Variants in FBXO24 observed in about 807,000 individuals in gnomAD.
The protein encoded by FBXO24 is F-box protein 24, also known as F-box only protein 24.
A neutral mutation model predicts 63.5 loss-of-function variants in FBXO24; 30 were observed. The observed-to-expected ratio is 0.47, with a 90% confidence interval of 0.35 to 0.64. FBXO24 has a LOEUF of 0.64. FBXO24 is among the 30% of genes least tolerant of loss of function. FBXO24 has a pLI of 0.00. For synonymous variants in FBXO24, 300 were observed against 305.0 expected (o/e 0.98, Z 0.17); for missense variants, 624 against 763.4 (o/e 0.82, Z 2.15).
At chr7:100,590,971 T>A (rs2131263073) in intron 3 of FBXO24, among the ~76,000 whole-genome samples, 1 of 152,042 alleles carries the variant, frequency 6.6e-6, no homozygotes, top group East Asian at 1.9e-4. Context: ...TGACCGGCCT[T>A]CATCAATCAT....
At chr7:100,596,027 C>T (rs1008442889) in intron 8 of FBXO24, among the ~76,000 whole-genome samples, 11 of 151,962 alleles carry the variant, frequency 7.2e-5, no homozygotes, top group African/African-American at 2.4e-4. Context: ...CCTGTAATCC[C>T]GACACTTTGG....
At chr7:100,595,375 G>A (rs536025373) in intron 7 of FBXO24, 152 bp downstream of exon 7, 31 of 1,439,234 alleles carry the variant, frequency 2.2e-5, no homozygotes, top group Middle Eastern at 3.8e-4. Flanking sequence ...GGCTCGGTGC[G>A]GAGGGAGGCT....
chr7:100,595,794 G>C (rs942763890), intron 8 of FBXO24, 88 bp downstream of exon 8: 1 of 1,476,546 alleles, frequency 6.8e-7, no homozygotes, highest in Non-Finnish European at 9.1e-7. Context: ...AGATTCCACA[G>C]AATCCAATTT....
chr7:100,589,933 G>A (rs749111075), intron 1 of FBXO24, 44 bp from the exon 2 acceptor site: 18 of 1,586,432 alleles, frequency 1.1e-5, no homozygotes, highest in Non-Finnish European at 4.3e-6. Context: ...GGGAAAAAAG[G>A]ATGTGGGACC....
chr7:100,600,233 G>C lies in FBXO24; in HGVS notation c.1377+32G>C. The stretch of plus-strand genomic sequence containing the variant: ...GCGGGGTCAGGAGAGTGGGCACCCA[G>C]GGAGGATGAGAGCCATGAACCAGGA... On this transcript the variant is annotated intron_variant, in intron 9 of 9. Transcript: ENST00000241071. This position sits in a 1 kb window ranked among gnomAD's most constrained non-coding sequence, Gnocchi z 6.3. 1 of 1,489,994 alleles carries C rather than the reference G, an allele frequency of 6.7e-7. No individual in the cohort carries two copies. The highest frequency in any genetic ancestry group is 9.0e-7 in the Non-Finnish European group (1 of 1,114,698). 92.3% of individuals were successfully genotyped at this position (1,489,994 alleles called of 1,614,324 possible). A position where few individuals can be genotyped will look rare whatever the true frequency, so the allele number is the denominator to read the frequency against.
At chr7:100,596,898 C>A (rs1334781143) in intron 8 of FBXO24, among the ~76,000 whole-genome samples, 19 of 152,006 alleles carry the variant, frequency 1.2e-4, no homozygotes, top group African/African-American at 4.6e-4. Context: ...AAAAATTAGC[C>A]AGGTGTGGTG....
intron 4 of FBXO24, chr7:100,592,371 G>C (rs1036220779): frequency 4.0e-6 from 1 of 248,726 alleles, no homozygotes; most frequent in African/African-American, 2.3e-5. Context: ...CATGGCAGAA[G>C]GGAAAGAGGC....
At chr7:100,588,709 G>T (rs563271265) in intron 1 of FBXO24, among the ~76,000 whole-genome samples, 1 of 152,284 alleles carries the variant, frequency 6.6e-6, no homozygotes, top group African/African-American at 2.4e-5. Context: ...TAATATCAGA[G>T]ACCCTGGGAG....
At chr7:100,591,979 G>A in intron 4 of FBXO24, 77 bp downstream of exon 4, 1 of 1,452,900 alleles carries the variant, frequency 6.9e-7, no homozygotes, top group Non-Finnish European at 9.6e-7. Flanking sequence ...ACGTACCAGA[G>A]GCCGGGTGCA....
In FBXO24 at chr7:100,592,836, G is replaced by GGCCACTCGGGA. The variant is rs1375535968; in HGVS notation, c.616_626dup (p.Gln210LeufsTer33). On this transcript the variant is annotated frameshift_variant, in exon 5 of 10. Transcript: ENST00000241071. LOFTEE classifies it high-confidence loss of function. Reference sequence around the variant, plus strand: ...TTTACCGTAAATACCTCTACGTCTTGGCCACTCGGGAGCCGCAGGAAGTGG... The same window carrying GGCCACTCGGGA: ...TTTACCGTAAATACCTCTACGTCTTGGCCACTCGGGAGCCACTCGGGAGCCGCAGGAAGTGG... 1 of 1,614,106 alleles carries GGCCACTCGGGA rather than the reference G, an allele frequency of 6.2e-7. No homozygotes were observed. The highest frequency in any genetic ancestry group is 1.7e-5 in the Admixed American group (1 of 60,018).
At position 100,592,776 on chromosome 7, in the gene FBXO24, C is replaced by G. The variant is rs1402183808; in HGVS notation, c.559-7C>G. The G allele has an allele frequency of 4.3e-6, 7 of 1,611,488 alleles. No homozygotes were observed. The highest frequency in any genetic ancestry group is 5.9e-6 in the Non-Finnish European group (7 of 1,178,170). ...TAGATCCCAGACGCCCTCATCTTTTCCCCCAGTTTGCCTCGGACCCAAGGT... is the reference window on the plus strand; with the variant it reads ...TAGATCCCAGACGCCCTCATCTTTTGCCCCAGTTTGCCTCGGACCCAAGGT... On this transcript the variant is annotated splice_region_variant and splice_polypyrimidine_tract_variant and intron_variant, in intron 4 of 9. Transcript: ENST00000241071.
Position 100,586,636 on chromosome 7 carries a change from A to G in FBXO24, c.11A>G (p.Lys4Arg), listed in dbSNP as rs1477931904. 6.2e-7 allele frequency: 1 copy of G among 1,614,218 alleles called. No individual in the cohort carries two copies. Among genetic ancestry groups the G allele is most frequent in the African/African-American group, 1.3e-5 (1 of 75,076 alleles). Reference sequence around the variant, plus strand: ...CTACCTACCAATAGCATGGGCGAGAAGGCGGTCCCTTTGCTAAGGAGGAGG... The same window carrying G: ...CTACCTACCAATAGCATGGGCGAGAGGGCGGTCCCTTTGCTAAGGAGGAGG... The part of the protein sequence containing the change: MGE[K>R]AVPLLRRRRV... Residue 4 changes from lysine (K) to arginine (R), a missense_variant, in exon 1 of 10, where the codon AAG becomes AGG. By Grantham distance (26) the Lys-to-Arg change is conservative (BLOSUM62 2). Transcript: ENST00000241071.
At chr7:100,591,031 A>ATTTTTTTTTTTTTTTTTTTTTTT (rs930978218) in intron 3 of FBXO24, among the ~76,000 whole-genome samples, 1 of 86,672 alleles carries the variant, frequency 1.2e-5, no homozygotes, top group African/African-American at 4.7e-5. Flanking sequence ...TTTTTCTTTG[A>ATTTTTTTTTTTTTTTTTTTTTTT]TTTTTTTTTT....
In FBXO24 at chr7:100,601,057, GC is replaced by G; in HGVS notation, c.*163del. The G allele has an allele frequency of 1.0e-6, 1 of 966,742 alleles. No individual in the cohort carries two copies. The highest frequency in any genetic ancestry group is 1.4e-6 in the Non-Finnish European group (1 of 690,148). The allele number at this position is 966,742 out of a possible 1,614,324, so 59.9% of individuals were successfully genotyped here. A position where few individuals can be genotyped will look rare whatever the true frequency, so the allele number is the denominator to read the frequency against. On this transcript the variant is annotated 3_prime_UTR_variant, in exon 10 of 10. Transcript: ENST00000241071. ...ATGTTCAGGGGGCTGCCCAGGAGGG[GC>G]CCCCAACCTGACTATCATGGACAAG...
At chr7:100,589,125 C>G (rs1431345845) in intron 1 of FBXO24, among the ~76,000 whole-genome samples, 1 of 152,156 alleles carries the variant, frequency 6.6e-6, no homozygotes, top group Non-Finnish European at 1.5e-5. Context: ...GCCACCGGCA[C>G]CAGGCTGCAG....
At chr7:100,597,861 C>T (rs1802384998) in intron 8 of FBXO24, among the ~76,000 whole-genome samples, 1 of 151,618 alleles carries the variant, frequency 6.6e-6, no homozygotes, top group Admixed American at 6.6e-5. Flanking sequence ...GCCACTACGC[C>T]CAGATAAGTT....
chr7:100,593,797 CAAAAAAAAAAA>C (rs900435798), intron 5 of FBXO24, among the ~76,000 whole-genome samples: 7 of 56,586 alleles, frequency 1.2e-4, no homozygotes, highest in African/African-American at 4.3e-4. Context: ...ACTCCATCTC[CAAAAAAAAAAA>C]AAAAAAAAAA....
chr7:100,597,385 T>TTATTTA (rs1802362286), intron 8 of FBXO24, among the ~76,000 whole-genome samples: 2 of 152,078 alleles, frequency 1.3e-5, no homozygotes, highest in Non-Finnish European at 2.9e-5. Context: ...ATAGTACCAT[T>TTATTTA]TATTTTTATT....
intron 4 of FBXO24, 168 bp downstream of exon 4, chr7:100,592,070 G>A: frequency 3.2e-6 from 2 of 625,808 alleles, no homozygotes; most frequent in Non-Finnish European, 5.5e-6. Context: ...AGACCAGCCT[G>A]GCCAAATGGC....
Sources: gnomAD v4.1 joint callset for allele counts (sites outside exome capture counted in the v4.1 genomes callset) on GRCh38, gnomAD v4.1.1 for gene constraint, Gnocchi (gnomAD v3.1) non-coding constraint, MANE v1.5 for transcripts, NCBI Gene and HGNC (gene_info 2026-07-23, HGNC 2026-07-21) for gene names.